The following SVIL variants were observed in gnomAD, a reference collection of about 807,000 sequenced individuals.
SVIL encodes the protein supervillin.
A neutral mutation model predicts 240.4 loss-of-function variants in SVIL; 101 were observed. The ratio of observed to expected loss-of-function variants is 0.42; its 90% CI spans 0.36 to 0.50. The LOEUF is 0.50. Among genes scored for constraint, SVIL ranks in the 20% least tolerant of loss-of-function variants. The pLI is 0.01. For missense variants in SVIL, 2,512 were observed against 2,818.7 expected (o/e 0.89, Z 2.46); for synonymous variants, 999 against 1,100.0 (o/e 0.91, Z 1.82).
Position 29,582,797 on chromosome 10 carries a change from T to C in SVIL, c.-200-13485A>G, listed in dbSNP as rs574740935. 2.6e-5 allele frequency among the ~76,000 whole-genome samples: 4 copies of C among 151,650 alleles called. No homozygotes were observed. The East Asian group carries it at 7.7e-4, about 29-fold the overall frequency. On this transcript the variant is annotated intron_variant, in intron 1 of 37. Transcript: ENST00000355867. Reference sequence around the variant, plus strand: ...AAACCTAGGTGTTCACTGTATGGGGTCTGTGGCTGCATCCCAGGACATAAG... The same window carrying C: ...AAACCTAGGTGTTCACTGTATGGGGCCTGTGGCTGCATCCCAGGACATAAG...
chr10:29,631,173 G>C (rs1958074789), intron 1 of SVIL, among the ~76,000 whole-genome samples: 1 of 152,246 alleles, frequency 6.6e-6, no homozygotes, highest in African/African-American at 2.4e-5. Flanking sequence ...ACCCTGAAGG[G>C]GAGGCTACAG....
Position 29,518,097 on chromosome 10 carries a change from AT to A in SVIL, c.3389+4312del, listed in dbSNP as rs150461442. On this transcript the variant is annotated intron_variant, in intron 16 of 37. Transcript: ENST00000355867. ...ACAATGTCAGAAAAGATGAAAAAAA[AT>A]TTTTTTAAGGCTGGGTGTGGTGATC... Among the ~76,000 whole-genome samples, 514 of 151,006 alleles carry A rather than the reference AT, an allele frequency of 3.4e-3. 7 individuals are homozygous for A. In the South Asian group the frequency reaches 0.045, roughly 13 times the overall value.
chr10:29,723,911 G>T (rs1315169734), intron 1 of SVIL, among the ~76,000 whole-genome samples: 1 of 152,178 alleles, frequency 6.6e-6, no homozygotes, highest in Non-Finnish European at 1.5e-5. Flanking sequence ...GGAGAAAAAG[G>T]GTTGGGTGAA....
intron 2 of SVIL, among the ~76,000 whole-genome samples, chr10:29,660,562 C>T (rs1208056893): frequency 1.3e-5 from 2 of 151,696 alleles, no homozygotes; most frequent in Non-Finnish European, 2.9e-5. Flanking sequence ...GAGCCATGGT[C>T]TCACCACTGC....
Position 29,683,489 on chromosome 10 carries a change from A to G in SVIL, c.-301+3064T>C, listed in dbSNP as rs906592480. On this transcript the variant is annotated intron_variant, in intron 2 of 35. Transcript: ENST00000375400. ...AGGAGGGTATCATGAGGCATGTCTG[A>G]TTCGCCCTTCCCATCAGGGCCTGAA... 4.6e-5 allele frequency among the ~76,000 whole-genome samples: 7 copies of G among 152,152 alleles called. No individual in the cohort carries two copies. The East Asian group carries it at 1.2e-3, about 25-fold the overall frequency.
chr10:29,459,180 G>C (rs1002209295), intron 36 of SVIL, among the ~76,000 whole-genome samples: 1 of 152,082 alleles, frequency 6.6e-6, no homozygotes, highest in African/African-American at 2.4e-5. Flanking sequence ...CTCAATCATA[G>C]CTCTCTGCAG....
At chr10:29,530,174 TA>T (rs925877252) in intron 11 of SVIL, among the ~76,000 whole-genome samples, 519 of 151,440 alleles carry the variant, frequency 3.4e-3, no homozygotes, top group African/African-American at 0.012. Context: ...ACCCTATCTC[TA>T]AAAAAAAATT....
chr10:29,617,777 AT>A (rs1469906972), intron 1 of SVIL, among the ~76,000 whole-genome samples: 6 of 152,128 alleles, frequency 3.9e-5, no homozygotes, highest in Non-Finnish European at 8.8e-5. Flanking sequence ...TTCAATAGAG[AT>A]TACACTTTTC....
chr10:29,554,720 A>T, intron 5 of SVIL, 63 bp downstream of exon 5: 1 of 1,452,082 alleles, frequency 6.9e-7, no homozygotes, highest in Non-Finnish European at 9.1e-7. Flanking sequence ...ACTGGGTGGA[A>T]AGGGCAACTC....
chr10:29,673,575 A>G (rs992915989), intron 2 of SVIL, among the ~76,000 whole-genome samples: 15 of 128,962 alleles, frequency 1.2e-4, no homozygotes, highest in African/African-American at 4.2e-4. Context: ...ACATGGCATT[A>G]GGGGGGAGAG....
chr10:29,733,158 G>T (rs1194931821), intron 1 of SVIL, among the ~76,000 whole-genome samples: 2 of 152,176 alleles, frequency 1.3e-5, no homozygotes, highest in African/African-American at 4.8e-5. Context: ...TTACCTCTCT[G>T]GATGAGGGGA....
chr10:29,463,254 T>A (rs1353242950), intron 35 of SVIL, among the ~76,000 whole-genome samples: 2 of 152,210 alleles, frequency 1.3e-5, no homozygotes, highest in East Asian at 3.8e-4. Context: ...GTTAGCCTCA[T>A]AATATCAGAG....
At position 29,562,527 on chromosome 10, in the gene SVIL, G is replaced by A. The variant is rs1243073771; in HGVS notation, c.-51+674C>T. On this transcript the variant is annotated intron_variant, in intron 3 of 37. Coordinates refer to ENST00000355867, the MANE Select transcript of SVIL (RefSeq NM_021738.3). Reference sequence around the variant, plus strand: ...TGTAATCGCAGCACTTTGCAAGGCGGAGGCGGGCGGATCACCTAAGATCGG... The same window carrying A: ...TGTAATCGCAGCACTTTGCAAGGCGAAGGCGGGCGGATCACCTAAGATCGG... 2.6e-5 allele frequency among the ~76,000 whole-genome samples: 4 copies of A among 152,336 alleles called. No individual in the cohort carries two copies. In the East Asian group the frequency reaches 7.7e-4, roughly 29 times the overall value.
intron 6 of SVIL, among the ~76,000 whole-genome samples, chr10:29,537,745 C>T (rs1189671087): frequency 6.6e-6 from 1 of 152,152 alleles, no homozygotes; most frequent in African/African-American, 2.4e-5. Context: ...TTGGAGGGGA[C>T]AGGCAGGTAC....
chr10:29,550,019 T>TAAAAAAA (rs11339067), intron 6 of SVIL, among the ~76,000 whole-genome samples: 3 of 70,232 alleles, frequency 4.3e-5, no homozygotes, highest in African/African-American at 5.3e-5. Flanking sequence ...ACTTAAAGTA[T>TAAAAAAA]AAAAAAAAAA....
At chr10:29,518,661 G>A (rs1437381534) in intron 16 of SVIL, among the ~76,000 whole-genome samples, 1 of 152,162 alleles carries the variant, frequency 6.6e-6, no homozygotes, top group African/African-American at 2.4e-5. Context: ...TTCGACACCA[G>A]CGTAGCCAAC....
chr10:29,704,356 A>C (rs940586120), intron 1 of SVIL, among the ~76,000 whole-genome samples: 2 of 152,216 alleles, frequency 1.3e-5, no homozygotes, highest in Non-Finnish European at 2.9e-5. Context: ...ATGTTGTCTT[A>C]CAAATAATTT....
chr10:29,668,085 C>A (rs538179142), intron 2 of SVIL, among the ~76,000 whole-genome samples: 33 of 152,184 alleles, frequency 2.2e-4, no homozygotes, highest in Non-Finnish European at 4.9e-4. Context: ...TACAGGACGA[C>A]TATTAATAGC....
chr10:29,626,362 C>T (rs1957869394), intron 1 of SVIL, among the ~76,000 whole-genome samples: 1 of 152,140 alleles, frequency 6.6e-6, no homozygotes. Flanking sequence ...GGAACTTAAA[C>T]GCTACGAGGG....
Sources: gnomAD v4.1 joint callset for allele counts (sites outside exome capture counted in the v4.1 genomes callset) on GRCh38, gnomAD v4.1.1 for gene constraint, MANE v1.5 for transcripts, NCBI Gene and HGNC (gene_info 2026-07-23, HGNC 2026-07-21) for gene names.